Variants in SLA observed in about 807,000 individuals in gnomAD.
SLA encodes Src like adaptor.
A neutral mutation model predicts 30.3 loss-of-function variants in SLA; 16 were observed. That is an observed-to-expected ratio of 0.53 (90% CI 0.36 to 0.80). The LOEUF (loss-of-function observed/expected upper bound fraction) is 0.80, where lower values mean the gene tolerates loss of function less well. Ranked by LOEUF, SLA falls within the 30% of genes least tolerant of loss-of-function variation. The probability of loss-of-function intolerance (pLI) is 0.01; values close to 1 mark genes in which losing one functional copy is unlikely to be tolerated. For missense variants in SLA, 310 were observed against 345.2 expected, an observed-to-expected ratio of 0.90 and a Z score of 0.81; for synonymous variants, 143 against 137.8, an observed-to-expected ratio of 1.04 and a Z score of -0.26.
chr8:133,039,069 G>A (rs996554411), intron 8 of SLA, among the ~76,000 whole-genome samples: 2 of 152,088 alleles, frequency 1.3e-5, no homozygotes, highest in African/African-American at 2.4e-5. Context: ...AGTAGAGACA[G>A]GGTTTCACCA....
chr8:133,055,881 G>A (rs563996884), intron 3 of SLA, among the ~76,000 whole-genome samples: 2 of 151,776 alleles, frequency 1.3e-5, no homozygotes, highest in Admixed American at 6.6e-5. Context: ...AGGGCGCACA[G>A]CTCTGGGGGG....
chr8:133,083,074 G>C (rs1183919026), intron 1 of SLA, among the ~76,000 whole-genome samples: 1 of 152,194 alleles, frequency 6.6e-6, no homozygotes, highest in Non-Finnish European at 1.5e-5. Flanking sequence ...TATAGAAATA[G>C]TTCTGGCCAA....
chr8:133,088,729 T>C (rs2005162), intron 1 of SLA, among the ~76,000 whole-genome samples: 2 of 152,082 alleles, frequency 1.3e-5, no homozygotes, highest in Non-Finnish European at 1.5e-5. Context: ...CTAGATCATG[T>C]CTATACCAAC....
At chr8:133,082,572 C>A (rs752287660) in intron 1 of SLA, among the ~76,000 whole-genome samples, 1 of 152,156 alleles carries the variant, frequency 6.6e-6, no homozygotes, top group Non-Finnish European at 1.5e-5. Flanking sequence ...GTGGAAACAG[C>A]GGCTGGACAT....
chr8:133,056,130 T>C (rs1289478449), intron 3 of SLA, among the ~76,000 whole-genome samples: 1 of 152,224 alleles, frequency 6.6e-6, no homozygotes, highest in African/African-American at 2.4e-5. Flanking sequence ...TTTGACATAG[T>C]TGACAGCACT....
chr8:133,061,254 C>T (rs891335036), intron 2 of SLA, among the ~76,000 whole-genome samples: 3 of 152,212 alleles, frequency 2.0e-5, no homozygotes, highest in East Asian at 1.9e-4. Flanking sequence ...GGTGATCTAC[C>T]TGCCTTGGCC....
At chr8:133,041,913 G>A (rs1838329969) in intron 7 of SLA, among the ~76,000 whole-genome samples, 2 of 150,616 alleles carry the variant, frequency 1.3e-5, no homozygotes, top group African/African-American at 4.9e-5. Context: ...TCAGACTCCC[G>A]AGTAGCTGGG....
chr8:133,089,046 G>C (rs147415347), intron 1 of SLA, among the ~76,000 whole-genome samples: 1 of 152,226 alleles, frequency 6.6e-6, no homozygotes, highest in African/African-American at 2.4e-5. Flanking sequence ...CACCTTGGTG[G>C]CACCTTCCAG....
chr8:133,064,029 T>C (rs1442027855), intron 2 of SLA: 1 of 152,262 alleles, frequency 6.6e-6, no homozygotes, highest in African/African-American at 2.4e-5. Flanking sequence ...ACACTGGCTC[T>C]GCAAATTCTT....
In SLA at chr8:133,067,945, GAGAA is replaced by G. The variant is rs1376458572; in HGVS notation, c.-41+6904_-41+6907del. ...AGAGAGAGAGAGAAAGAAAGAAAGA[GAGAA>G]AGAAAGAAGGAAAAGAAAGAAGGAT... On this transcript the variant is annotated intron_variant, in intron 2 of 8. Transcript: ENST00000338087. 7.3e-5 allele frequency among the ~76,000 whole-genome samples: 11 copies of G among 151,488 alleles called. 1 individual carries two copies. In the East Asian group the frequency reaches 1.9e-3, roughly 27 times the overall value.
intron 2 of SLA, chr8:133,072,901 G>A (rs998785177): frequency 2.6e-5 from 4 of 152,124 alleles, no homozygotes; most frequent in Non-Finnish European, 5.9e-5. Context: ...ATGGAGGAGT[G>A]CCCCACTCAT....
At chr8:133,090,511 G>A (rs757027482) in intron 1 of SLA, among the ~76,000 whole-genome samples, 3 of 152,236 alleles carry the variant, frequency 2.0e-5, no homozygotes, top group Admixed American at 6.5e-5. Context: ...TGCATGTAGA[G>A]GCACTTTCCC....
At chr8:133,097,075 G>A (rs1183110267) in intron 1 of SLA, among the ~76,000 whole-genome samples, 1 of 152,216 alleles carries the variant, frequency 6.6e-6, no homozygotes, top group Non-Finnish European at 1.5e-5. Flanking sequence ...AAGCCTACAG[G>A]GAAGCCCAGT....
intron 7 of SLA, among the ~76,000 whole-genome samples, chr8:133,041,643 TAGAC>T (rs911470225): frequency 6.8e-4 from 104 of 152,236 alleles, no homozygotes; most frequent in African/African-American, 2.4e-3. Context: ...TGTCCTTCCT[TAGAC>T]AGGTTAATAC....
intron 1 of SLA, among the ~76,000 whole-genome samples, chr8:133,083,731 G>A (rs1281424054): frequency 6.6e-6 from 1 of 152,090 alleles, no homozygotes; most frequent in East Asian, 1.9e-4. Flanking sequence ...ATTTGAAGAG[G>A]ATTTGAAGAG....
chr8:133,040,422 A>T, intron 7 of SLA: 1 of 350,972 alleles, frequency 2.8e-6, no homozygotes, highest in Non-Finnish European at 5.3e-6. Context: ...CTTTACCCCG[A>T]TAGTAAATTA....
At chr8:133,098,326 A>C (rs2131664122) in intron 1 of SLA, among the ~76,000 whole-genome samples, 1 of 152,314 alleles carries the variant, frequency 6.6e-6, no homozygotes, top group South Asian at 2.1e-4. Flanking sequence ...ATTATTATAA[A>C]CCCTTTATTG....
At chr8:133,064,452 C>T (rs1171946809) in intron 2 of SLA, among the ~76,000 whole-genome samples, 1 of 152,234 alleles carries the variant, frequency 6.6e-6, no homozygotes, top group Non-Finnish European at 1.5e-5. Flanking sequence ...AGGGCAGATA[C>T]TCTTTCACTT....
chr8:133,040,398 G>A (rs1458281960), intron 7 of SLA: 1 of 410,382 alleles, frequency 2.4e-6, no homozygotes, highest in Non-Finnish European at 4.4e-6. Flanking sequence ...ACCAAGCTTG[G>A]GTTTGAATTT....
Sources: allele counts gnomAD v4.1 joint callset (sites outside exome capture counted in the v4.1 genomes callset), GRCh38; gene constraint gnomAD v4.1.1; transcripts MANE v1.5; gene names NCBI Gene and HGNC (gene_info 2026-07-23, HGNC 2026-07-21).